Variants in SPEF2 observed in about 807,000 individuals in gnomAD.
SPEF2 encodes the protein sperm flagella and cilia-associated protein 2.
Under a neutral mutation model 224.6 loss-of-function variants are expected in SPEF2, and 187 were observed. The ratio of observed to expected loss-of-function variants is 0.83; its 90% CI spans 0.74 to 0.94. The LOEUF is 0.94. Ranked by LOEUF, SPEF2 falls within the 40% of genes least tolerant of loss-of-function variation. The pLI is 0.00. For synonymous variants in SPEF2, 715 were observed against 707.3 expected, an observed-to-expected ratio of 1.01 and a Z score of -0.17; for missense variants, 2,170 against 2,135.6, an observed-to-expected ratio of 1.02 and a Z score of -0.32.
intron 36 of SPEF2, among the ~76,000 whole-genome samples, chr5:35,813,214 T>C (rs1184773079): frequency 2.0e-5 from 3 of 152,158 alleles, no homozygotes; most frequent in Non-Finnish European, 4.4e-5. Context: ...TGTAGTGGGC[T>C]GGGCACAGTG....
intron 33 of SPEF2, among the ~76,000 whole-genome samples, chr5:35,798,365 T>C (rs926865942): frequency 1.3e-5 from 2 of 152,186 alleles, no homozygotes; most frequent in African/African-American, 4.8e-5. Flanking sequence ...CTGCTCATTG[T>C]TGATCAAGCA....
chr5:35,645,119 A>G (rs1297511210), intron 4 of SPEF2, among the ~76,000 whole-genome samples: 5 of 152,194 alleles, frequency 3.3e-5, no homozygotes, highest in Non-Finnish European at 7.3e-5. Context: ...GGGTGAGAGA[A>G]TAATGGTACA....
chr5:35,657,806 C>T (rs1189380731), intron 7 of SPEF2, among the ~76,000 whole-genome samples: 1 of 152,132 alleles, frequency 6.6e-6, no homozygotes, highest in African/African-American at 2.4e-5. Context: ...TAAGGTTTGC[C>T]CCAAGTCAGT....
chr5:35,792,422 T>G lies in SPEF2; in HGVS notation c.4530T>G (p.Asn1510Lys). The change falls in exon 31 of 37, where the codon AAT becomes AAG. Residue 1510 changes from asparagine to lysine, a missense_variant. Asn to Lys is a moderately conservative substitution (Grantham distance 94, BLOSUM62 0). Transcript: ENST00000356031. ...LNLGTNNFPS[N>K]WMHLTQPELQ... ...TTGGCACAAACAACTTTCCTAGTAA[T>G]TGGATGCACCTTACCCAACCTGAAG... The G allele has an allele frequency of 6.2e-7, 1 of 1,613,786 alleles. No individual in the cohort carries two copies. Among genetic ancestry groups the G allele is most frequent in the Non-Finnish European group, 8.5e-7 (1 of 1,179,788 alleles).
intron 8 of SPEF2, among the ~76,000 whole-genome samples, chr5:35,664,547 G>A (rs186001181): frequency 3.9e-5 from 6 of 152,088 alleles, no homozygotes; most frequent in African/African-American, 1.4e-4. Context: ...AGGTGTGATG[G>A]TGTGCACCTG....
intron 13 of SPEF2, 116 bp from the exon 14 acceptor site, chr5:35,695,619 T>A: frequency 1.5e-6 from 1 of 677,542 alleles, no homozygotes; most frequent in Non-Finnish European, 2.5e-6. Context: ...TCTGAGCATC[T>A]CAGGCATAGC....
At chr5:35,687,451 C>T (rs1430773492) in intron 10 of SPEF2, among the ~76,000 whole-genome samples, 7 of 147,916 alleles carry the variant, frequency 4.7e-5, no homozygotes, top group Non-Finnish European at 7.5e-5. Context: ...CATTATATTT[C>T]TTCTTGCACT....
At chr5:35,676,154 G>A (rs1416867337) in intron 10 of SPEF2, among the ~76,000 whole-genome samples, 1 of 152,210 alleles carries the variant, frequency 6.6e-6, no homozygotes, top group Non-Finnish European at 1.5e-5. Context: ...CTGGATGCCT[G>A]ACATGAATAA....
rs775890647 is a variant in SPEF2, at chr5:35,814,592, C to T, written c.*39C>T. 5.1e-6 allele frequency: 7 copies of T among 1,376,658 alleles called. No individual in the cohort carries two copies. Among genetic ancestry groups the T allele is most frequent in the Non-Finnish European group, 7.1e-6 (7 of 986,434 alleles). 85.3% of individuals were successfully genotyped at this position (1,376,658 alleles called of 1,614,324 possible). Reference sequence around the variant, plus strand: ...TGATTTTTTTAATTCTGCAATAAATCTTCCAAAAATTAAATGTGACCATGG... The same window carrying T: ...TGATTTTTTTAATTCTGCAATAAATTTTCCAAAAATTAAATGTGACCATGG... On this transcript the variant is annotated 3_prime_UTR_variant, in exon 37 of 37. Coordinates refer to ENST00000356031, the MANE Select transcript of SPEF2 (RefSeq NM_024867.4).
intron 8 of SPEF2, among the ~76,000 whole-genome samples, chr5:35,661,257 TATA>T (rs1749662347): frequency 1.6e-4 from 1 of 6,232 alleles, no homozygotes; most frequent in Admixed American, 1.8e-3. Flanking sequence ...GTATATATTA[TATA>T]TATATATATA....
chr5:35,811,374 C>T (rs910005987), intron 36 of SPEF2, among the ~76,000 whole-genome samples: 1 of 152,132 alleles, frequency 6.6e-6, no homozygotes, highest in African/African-American at 2.4e-5. Flanking sequence ...CCTAACAGCT[C>T]TATGTTTACA....
chr5:35,647,429 C>CA (rs1249894313), intron 5 of SPEF2, among the ~76,000 whole-genome samples: 1 of 151,896 alleles, frequency 6.6e-6, no homozygotes, highest in Non-Finnish European at 1.5e-5. Flanking sequence ...GGGAGGGAAT[C>CA]AATCTATTCA....
Position 35,644,385 on chromosome 5 carries a change from G to T in SPEF2, c.445G>T (p.Asp149Tyr), listed in dbSNP as rs1177508653. 2 of 1,601,316 alleles carry T rather than the reference G, an allele frequency of 1.2e-6. No homozygotes were observed. The highest frequency in any genetic ancestry group is 1.7e-5 in the Admixed American group (1 of 58,536). ...RLRHMIPRQT[D>Y]FNLMRITYRF... ...TAGACACATGATACCACGTCAAACT[G>T]ATTTCAATCTGATGCGGATTACATA... Residue 149 changes from aspartate to tyrosine, a missense_variant, in exon 4 of 37, where the codon GAT becomes TAT. Physicochemically the swap from Asp to Tyr is radical, Grantham distance 160 (BLOSUM62 -3). Transcript: ENST00000356031.
intron 1 of SPEF2, among the ~76,000 whole-genome samples, chr5:35,628,001 C>G (rs1436992015): frequency 6.6e-6 from 1 of 152,164 alleles, no homozygotes; most frequent in African/African-American, 2.4e-5. Context: ...CTTTAGTAAA[C>G]TTTCCATTGT....
chr5:35,759,452 A>G, intron 24 of SPEF2, 116 bp from the exon 25 acceptor site: 1 of 943,328 alleles, frequency 1.1e-6, no homozygotes, highest in Non-Finnish European at 1.5e-6. Context: ...TTATTTCCAG[A>G]AAATTATTTT....
At chr5:35,648,940 G>A (rs990440389) in intron 5 of SPEF2, among the ~76,000 whole-genome samples, 2 of 151,716 alleles carry the variant, frequency 1.3e-5, no homozygotes, top group Non-Finnish European at 2.9e-5. Flanking sequence ...CTTGAACCCG[G>A]GAGGTGGAGG....
At position 35,697,712 on chromosome 5, in the gene SPEF2, G is replaced by A. The variant is rs1025246397; in HGVS notation, c.2060G>A (p.Gly687Asp). The change falls in exon 15 of 37, where the codon GGT becomes GAT. Residue 687 changes from glycine to aspartate, a missense_variant. Transcript: ENST00000356031. ...CAGCTCACTACACGTGCTCAGCTTG[G>A]TGCAAAATCAGAACAGTTGCTGAAG... ...FLKLTTRAQL[G>D]AKSEQLLKKG... 5 of 1,613,174 alleles carry A rather than the reference G, an allele frequency of 3.1e-6. No homozygotes were observed. Among genetic ancestry groups the A allele is most frequent in the African/African-American group, 1.3e-5 (1 of 74,866 alleles).
chr5:35,786,869 T>A (rs1032496407), intron 30 of SPEF2, among the ~76,000 whole-genome samples: 1 of 152,156 alleles, frequency 6.6e-6, no homozygotes, highest in Non-Finnish European at 1.5e-5. Flanking sequence ...TTAGTTCTAG[T>A]CAGAGGGGTC....
chr5:35,736,628 A>C (rs974150097), intron 21 of SPEF2, among the ~76,000 whole-genome samples: 1 of 152,182 alleles, frequency 6.6e-6, no homozygotes, highest in Non-Finnish European at 1.5e-5. Context: ...CCCTTGACAC[A>C]TGGAGATTAT....
Sources: gnomAD v4.1 joint callset for allele counts (sites outside exome capture counted in the v4.1 genomes callset) on GRCh38, gnomAD v4.1.1 for gene constraint, MANE v1.5 for transcripts, NCBI Gene and HGNC (gene_info 2026-07-23, HGNC 2026-07-21) for gene names.